The following KCNAB2 variants were observed in gnomAD, a reference collection of about 807,000 sequenced individuals.
KCNAB2 encodes potassium voltage-gated channel subfamily A regulatory beta subunit 2, also known as voltage-gated potassium channel subunit beta-2.
Under a neutral mutation model 63.6 loss-of-function variants are expected in KCNAB2, and 29 were observed. The observed-to-expected ratio is 0.46, with a 90% CI of 0.34 to 0.62. KCNAB2 has a LOEUF of 0.62. Among genes scored for constraint, KCNAB2 ranks in the 20% least tolerant of loss-of-function variants. The pLI is 0.01. For synonymous variants in KCNAB2, 222 were observed against 224.2 expected, an observed-to-expected ratio of 0.99 and a Z score of 0.09; for missense variants, 359 against 563.9, an observed-to-expected ratio of 0.64 and a Z score of 3.68.
At chr1:6,095,870 C>CT (rs1157508443) in intron 13 of KCNAB2, among the ~76,000 whole-genome samples, 1 of 136,904 alleles carries the variant, frequency 7.3e-6, no homozygotes, top group Non-Finnish European at 1.6e-5. Context: ...CACATCCCCC[C>CT]CCCTGCCCCC....
chr1:6,050,181 C>T (rs1661267741), intron 1 of KCNAB2, among the ~76,000 whole-genome samples: 1 of 152,236 alleles, frequency 6.6e-6, no homozygotes. Flanking sequence ...AACTTTTCCT[C>T]TCTTGGGGCA....
intron 1 of KCNAB2, among the ~76,000 whole-genome samples, chr1:6,047,628 G>T (rs1174766867): frequency 6.6e-6 from 1 of 152,174 alleles, no homozygotes; most frequent in African/African-American, 2.4e-5. Flanking sequence ...CCCAGGTATA[G>T]CCCTGGTTGG....
chr1:6,018,098 A>AT (rs1365687865), intron 1 of KCNAB2, among the ~76,000 whole-genome samples: 6 of 151,798 alleles, frequency 4.0e-5, no homozygotes, highest in Non-Finnish European at 1.5e-5. Context: ...CACCCAACTA[A>AT]TTTTTTTTGT....
rs1021029912 is a variant in KCNAB2, at chr1:6,073,171, A to C, written c.262+373A>C. Among the ~76,000 whole-genome samples, 1 of 152,056 alleles carries C rather than the reference A, an allele frequency of 6.6e-6. No individual in the cohort carries two copies. Among genetic ancestry groups the C allele is most frequent in the Non-Finnish European group, 1.5e-5 (1 of 67,996 alleles). On this transcript the variant is annotated intron_variant, in intron 3 of 15. Coordinates refer to ENST00000378083, the MANE Select transcript of KCNAB2 (RefSeq NM_001199862.2). The surrounding 1 kb of genome is among the most constrained non-coding windows in gnomAD (Gnocchi z 5.7). ...GCTCGTGAGTCCCTCCTGGAGCGCC[A>C]TTGGATTTGGCCCTTTTTCCTCTCC...
upstream of KCNAB2, among the ~76,000 whole-genome samples, chr1:6,042,314 G>T (rs1419348342): frequency 2.0e-5 from 3 of 152,186 alleles, no homozygotes; most frequent in South Asian, 2.1e-4. Context: ...AGCTCCTCAG[G>T]CTCATTGAAG....
intron 2 of KCNAB2, among the ~76,000 whole-genome samples, chr1:6,052,534 A>G (rs992783875): frequency 4.6e-5 from 7 of 152,112 alleles, no homozygotes; most frequent in African/African-American, 1.7e-4. Context: ...CCTGCTCTTA[A>G]TGATAGGCAC....
chr1:6,023,078 C>T (rs1016630621), intron 1 of KCNAB2, among the ~76,000 whole-genome samples: 14 of 151,992 alleles, frequency 9.2e-5, no homozygotes, highest in African/African-American at 3.1e-4. Context: ...GACGGGGTTT[C>T]GCCATGTTGG....
upstream of KCNAB2, among the ~76,000 whole-genome samples, chr1:6,033,246 C>T (rs571644009): frequency 7.5e-5 from 11 of 146,728 alleles, no homozygotes; most frequent in East Asian, 6.0e-4. Flanking sequence ...TGTGGGTGTG[C>T]GTGTATGTGT....
At chr1:6,018,119 A>G (rs1391420962) in intron 1 of KCNAB2, among the ~76,000 whole-genome samples, 1 of 152,026 alleles carries the variant, frequency 6.6e-6, no homozygotes, top group African/African-American at 2.4e-5. Flanking sequence ...AATTTTGTAG[A>G]AAAGGTGTCT....
rs1419873999 is a variant in KCNAB2, at chr1:5,999,654, T to A, written c.-53+6866T>A. ...TTGTTAGTGTCCAGGCCTCTTGGAA[T>A]GTGGTTTGGTTCAGGGGTACTGATG... On this transcript the variant is annotated intron_variant, in intron 1 of 16. Coordinates refer to the KCNAB2 transcript ENST00000341524. Among the ~76,000 whole-genome samples the A allele has an allele frequency of 2.6e-5, 4 of 152,250 alleles. No homozygotes were observed. The East Asian group carries it at 7.7e-4, about 29-fold the overall frequency.
At chr1:6,008,533 A>G (rs1355730081) in intron 1 of KCNAB2, among the ~76,000 whole-genome samples, 1 of 151,228 alleles carries the variant, frequency 6.6e-6, no homozygotes, top group African/African-American at 2.4e-5. Flanking sequence ...AAGCAAGAGA[A>G]TTGCTTGAAC....
At chr1:6,010,679 G>A (rs914047923) in intron 1 of KCNAB2, among the ~76,000 whole-genome samples, 1 of 152,216 alleles carries the variant, frequency 6.6e-6, no homozygotes, top group Non-Finnish European at 1.5e-5. Context: ...TCCCTGCTCA[G>A]GTGAACACAG....
chr1:6,003,488 C>T lies in KCNAB2; in HGVS notation c.-53+10700C>T, dbSNP rs1484312056. ...GAGCCCTGCCCCAGCCAGGAGCACT[C>T]ACTGAGTGGCCACATTATACCCTCC... On this transcript the variant is annotated intron_variant, in intron 1 of 16. Coordinates refer to the KCNAB2 transcript ENST00000341524. The surrounding 1 kb of genome is among the most constrained non-coding windows in gnomAD (Gnocchi z 4.1). Among the ~76,000 whole-genome samples the T allele has an allele frequency of 6.6e-6, 1 of 152,260 alleles. No homozygotes were observed.
chr1:6,066,931 C>T (rs1475868911), intron 2 of KCNAB2, among the ~76,000 whole-genome samples: 4 of 152,238 alleles, frequency 2.6e-5, no homozygotes, highest in African/African-American at 7.2e-5. Context: ...ATCTGGCTCC[C>T]GGTGCTGTGA....
intron 2 of KCNAB2, among the ~76,000 whole-genome samples, chr1:6,065,445 G>A (rs1243459822): frequency 6.6e-6 from 1 of 152,254 alleles, no homozygotes; most frequent in Non-Finnish European, 1.5e-5. Flanking sequence ...AGCGCGCAGA[G>A]CCAGGAGCTG....
intron 2 of KCNAB2, among the ~76,000 whole-genome samples, chr1:6,063,409 A>ATT (rs34378538): frequency 2.9e-5 from 4 of 137,774 alleles, no homozygotes; most frequent in Admixed American, 7.4e-5. Context: ...TGTGCCAGTA[A>ATT]TTTTTTTTTT....
intron 1 of KCNAB2, among the ~76,000 whole-genome samples, chr1:6,002,866 G>A (rs572952897): frequency 4.7e-4 from 71 of 152,312 alleles, no homozygotes; most frequent in African/African-American, 1.7e-3. Context: ...GGACTCTGCC[G>A]TCACTGTTGT....
At chr1:6,030,407 T>C (rs1659501874), upstream of KCNAB2, among the ~76,000 whole-genome samples, 1 of 152,156 alleles carries the variant, frequency 6.6e-6, no homozygotes, top group Non-Finnish European at 1.5e-5. Context: ...GCAAGTCACA[T>C]GGTTGCACAG....
chr1:6,045,792 T>C, upstream of KCNAB2: 1 of 553,228 alleles, frequency 1.8e-6, no homozygotes. The surrounding 1 kb of genome is among the most constrained non-coding windows in gnomAD (Gnocchi z 4.8). Flanking sequence ...TTTGTGTTTC[T>C]GGCACGCGGG....
Sources: allele counts gnomAD v4.1 joint callset (sites outside exome capture counted in the v4.1 genomes callset), GRCh38; gene constraint gnomAD v4.1.1; non-coding constraint Gnocchi (gnomAD v3.1); transcripts MANE v1.5; gene names NCBI Gene and HGNC (gene_info 2026-07-23, HGNC 2026-07-21).